NLGN1: variants seen among roughly 807,000 people sequenced by gnomAD.
NLGN1 encodes the protein neuroligin 1.
Under a neutral mutation model 65.5 loss-of-function variants are expected in NLGN1, and 12 were observed. The ratio of observed to expected loss-of-function variants is 0.18; its 90% CI spans 0.12 to 0.30. NLGN1 has a LOEUF of 0.30. Among genes scored for constraint, NLGN1 ranks in the 10% least tolerant of loss-of-function variants. The probability of loss-of-function intolerance (pLI) is 1.00; values close to 1 mark genes in which losing one functional copy is unlikely to be tolerated. For missense variants in NLGN1, 750 were observed against 1,007.1 expected, an observed-to-expected ratio of 0.74 and a Z score of 3.46; for synonymous variants, 350 against 359.5, an observed-to-expected ratio of 0.97 and a Z score of 0.30.
intron 4 of NLGN1, among the ~76,000 whole-genome samples, chr3:174,075,265 C>A (rs1192937225): frequency 6.6e-6 from 1 of 152,000 alleles, no homozygotes; most frequent in Non-Finnish European, 1.5e-5. Context: ...ATCATAAGAA[C>A]TGGGGAAACT....
intron 4 of NLGN1, among the ~76,000 whole-genome samples, chr3:174,160,489 T>C (rs1289140215): frequency 6.6e-6 from 1 of 151,710 alleles, no homozygotes; most frequent in African/African-American, 2.4e-5. Context: ...ATGTTTCTTA[T>C]TTAGCATTGT....
intron 3 of NLGN1, among the ~76,000 whole-genome samples, chr3:173,615,366 TGTTCTTTGCCCTCAGAGG>T (rs1361498298): frequency 6.6e-6 from 1 of 152,252 alleles, no homozygotes; most frequent in African/African-American, 2.4e-5. Flanking sequence ...GGGAAAGAGA[TGTTCTTTGCCCTCAGAGG>T]GTTTATTTAC....
chr3:174,225,908 T>C (rs1013524610), intron 4 of NLGN1, among the ~76,000 whole-genome samples: 1 of 152,062 alleles, frequency 6.6e-6, no homozygotes, highest in African/African-American at 2.4e-5. Flanking sequence ...ATTAAACAAG[T>C]CAAGGAAAAA....
At chr3:174,251,292 T>C (rs1476143109) in intron 4 of NLGN1, among the ~76,000 whole-genome samples, 1 of 152,198 alleles carries the variant, frequency 6.6e-6, no homozygotes, top group Non-Finnish European at 1.5e-5. Flanking sequence ...CCTTCCTTAA[T>C]ATTTAGGAAA....
rs150984290 is a variant in NLGN1, at chr3:173,600,592, C to CTTTTTTT, written c.-320-3684_-320-3678dup. Among the ~76,000 whole-genome samples the CTTTTTTT allele has an allele frequency of 8.4e-4, 87 of 103,508 alleles. 11 individuals are homozygous for CTTTTTTT. The highest frequency in any genetic ancestry group is 2.1e-3 in the African/African-American group (64 of 30,032). 67.9% of individuals were successfully genotyped at this position (103,508 alleles called of 152,430 possible). A position where few individuals can be genotyped will look rare whatever the true frequency, so the allele number is the denominator to read the frequency against. On this transcript the variant is annotated intron_variant, in intron 2 of 6. Coordinates refer to ENST00000457714, the Ensembl canonical transcript of NLGN1. ...AAGCAAGGTAGAAATAAAAACATAT[C>CTTTTTTT]TTTTTTTTTAGAAAAAGATATGTAA...
intron 1 of NLGN1, among the ~76,000 whole-genome samples, chr3:173,431,216 C>A (rs1717100474): frequency 6.6e-6 from 1 of 152,090 alleles, no homozygotes; most frequent in Non-Finnish European, 1.5e-5. Flanking sequence ...TGACTTCTGG[C>A]CCAGTAAGAT....
At chr3:173,406,738 C>G (rs1034781686) in intron 1 of NLGN1, among the ~76,000 whole-genome samples, 2 of 151,826 alleles carry the variant, frequency 1.3e-5, no homozygotes, top group Non-Finnish European at 2.9e-5. Flanking sequence ...TGCCACTGCT[C>G]TTAAGTGGTC....
At chr3:174,129,054 G>C (rs1719564853) in intron 4 of NLGN1, among the ~76,000 whole-genome samples, 2 of 152,068 alleles carry the variant, frequency 1.3e-5, no homozygotes, top group Non-Finnish European at 1.5e-5. Flanking sequence ...GTCCAAACAT[G>C]TATGGTTAGC....
At chr3:174,151,804 TAA>T (rs1724405522) in intron 4 of NLGN1, among the ~76,000 whole-genome samples, 1 of 152,178 alleles carries the variant, frequency 6.6e-6, no homozygotes, top group Non-Finnish European at 1.5e-5. Flanking sequence ...CAGATATTCC[TAA>T]AGTCTTCGAA....
chr3:174,093,052 A>G (rs1250597748), intron 4 of NLGN1, among the ~76,000 whole-genome samples: 3 of 152,214 alleles, frequency 2.0e-5, no homozygotes, highest in Non-Finnish European at 4.4e-5. Flanking sequence ...CAAAGAATAA[A>G]TCAAACTCTC....
At chr3:174,281,409 T>C in exon 7 of NLGN1, 1 of 726,074 alleles carries the variant, frequency 1.4e-6, no homozygotes, top group Non-Finnish European at 2.3e-6. Flanking sequence ...TAAGGAGGAA[T>C]ATTATGTGAA....
intron 4 of NLGN1, among the ~76,000 whole-genome samples, chr3:174,158,584 C>G (rs978191816): frequency 6.6e-6 from 1 of 151,720 alleles, no homozygotes; most frequent in Non-Finnish European, 1.5e-5. Flanking sequence ...ATCTCAGACC[C>G]TGTTCCAAAT....
At position 174,036,390 on chromosome 3, in the gene NLGN1, T is replaced by G. The variant is rs576675748; in HGVS notation, c.646+228558T>G. ...GGTACCTCCTATTATATGAACCTTATTCTCTTACTTTTCAGTTGACTGTTT... is the reference window on the plus strand; with the variant it reads ...GGTACCTCCTATTATATGAACCTTAGTCTCTTACTTTTCAGTTGACTGTTT... On this transcript the variant is annotated intron_variant, in intron 4 of 6. Coordinates refer to ENST00000457714, the Ensembl canonical transcript of NLGN1. 5.9e-5 allele frequency among the ~76,000 whole-genome samples: 9 copies of G among 152,272 alleles called. No individual in the cohort carries two copies. In the South Asian group the frequency reaches 1.9e-3, roughly 32 times the overall value.
chr3:173,810,486 G>T (rs1560418113), intron 4 of NLGN1, among the ~76,000 whole-genome samples: 3 of 152,170 alleles, frequency 2.0e-5, no homozygotes, highest in Admixed American at 2.0e-4. Context: ...AGATTTGGGG[G>T]TCCAATGGAC....
chr3:174,217,484 T>C (rs1464607779), intron 4 of NLGN1, among the ~76,000 whole-genome samples: 3 of 152,096 alleles, frequency 2.0e-5, no homozygotes, highest in Non-Finnish European at 4.4e-5. Flanking sequence ...ATGATTGGGT[T>C]CTGGTGAGAG....
chr3:173,652,781 C>T (rs1371053995), intron 3 of NLGN1, among the ~76,000 whole-genome samples: 1 of 152,084 alleles, frequency 6.6e-6, no homozygotes, highest in Non-Finnish European at 1.5e-5. Flanking sequence ...TTCTTTGAAA[C>T]ATGACATTGA....
chr3:173,907,390 C>T (rs927140790), intron 4 of NLGN1, among the ~76,000 whole-genome samples: 1 of 152,018 alleles, frequency 6.6e-6, no homozygotes, highest in African/African-American at 2.4e-5. Flanking sequence ...GTTGTATTTC[C>T]AAGAGTCCAG....
At chr3:173,733,022 T>C (rs1317435251) in intron 3 of NLGN1, among the ~76,000 whole-genome samples, 1 of 152,142 alleles carries the variant, frequency 6.6e-6, no homozygotes, top group Non-Finnish European at 1.5e-5. Flanking sequence ...AAAATTATCT[T>C]TCAATTTTTA....
intron 4 of NLGN1, among the ~76,000 whole-genome samples, chr3:173,967,902 C>T (rs1158208370): frequency 1.3e-5 from 2 of 152,140 alleles, no homozygotes; most frequent in Admixed American, 1.3e-4. Context: ...CTTCCCAAAC[C>T]AGTGAAGTCA....
Sources: gnomAD v4.1 joint callset for allele counts (sites outside exome capture counted in the v4.1 genomes callset) on GRCh38, gnomAD v4.1.1 for gene constraint, MANE v1.5 for transcripts, NCBI Gene and HGNC (gene_info 2026-07-23, HGNC 2026-07-21) for gene names.